The following PLGRKT variants were observed in gnomAD, a reference collection of about 807,000 sequenced individuals.
PLGRKT encodes plasminogen receptor (KT).
A neutral mutation model predicts 18.5 loss-of-function variants in PLGRKT; 22 were observed. The observed-to-expected ratio is 1.19, with a 90% confidence interval of 0.85 to 1.70. The LOEUF (loss-of-function observed/expected upper bound fraction) is 1.70, where lower values mean the gene tolerates loss of function less well. Among genes scored for constraint, PLGRKT ranks in the 40% most tolerant of loss-of-function variants. The pLI, the probability that PLGRKT is intolerant of heterozygous loss-of-function variation, is 0.00. For missense variants in PLGRKT, 235 were observed against 174.4 expected (o/e 1.35, Z -1.96); for synonymous variants, 72 against 52.8 (o/e 1.36, Z -1.58).
Position 5,358,108 on chromosome 9 carries a change from A to C in PLGRKT, c.*131T>G. The stretch of plus-strand genomic sequence containing the variant: ...TATAAATTTTATTTTAAAATAGCTC[A>C]AAACTATCTTGCATTTTAATATTTT... On this transcript the variant is annotated 3_prime_UTR_variant, in exon 6 of 6. Coordinates refer to ENST00000223864, the MANE Select transcript of PLGRKT (RefSeq NM_018465.4). The C allele has an allele frequency of 1.6e-6, 1 of 624,056 alleles. No individual in the cohort carries two copies. Among genetic ancestry groups the C allele is most frequent in the Non-Finnish European group, 2.6e-6 (1 of 385,028 alleles). 38.7% of individuals were successfully genotyped at this position (624,056 alleles called of 1,614,324 possible).
Position 5,371,986 on chromosome 9 carries a change from C to CTTTTTTTTTTTTTTTTTTTTTTTT in PLGRKT, c.82-10099_82-10098insAAAAAAAAAAAAAAAAAAAAAAAA, listed in dbSNP as rs71326158. Among the ~76,000 whole-genome samples, 167 of 89,090 alleles carry CTTTTTTTTTTTTTTTTTTTTTTTT rather than the reference C, an allele frequency of 1.9e-3. 39 individuals are homozygous for CTTTTTTTTTTTTTTTTTTTTTTTT. The highest frequency in any genetic ancestry group is 4.7e-3 in the African/African-American group (92 of 19,524). 58.4% of individuals were successfully genotyped at this position (89,090 alleles called of 152,430 possible). ...CTGCAAAAAACAATATCAGAAAATC[C>CTTTTTTTTTTTTTTTTTTTTTTTT]TTTTTTTTTTTTTGATATGGAGTCT... On this transcript the variant is annotated intron_variant, in intron 3 of 5. Transcript: ENST00000223864.
intron 3 of PLGRKT, among the ~76,000 whole-genome samples, chr9:5,424,568 A>C (rs1369993598): frequency 7.4e-6 from 1 of 134,262 alleles, no homozygotes; most frequent in Non-Finnish European, 1.5e-5. Flanking sequence ...AATACAATAT[A>C]ATATATATTA....
chr9:5,395,918 G>C (rs1818036976), intron 3 of PLGRKT, among the ~76,000 whole-genome samples: 1 of 133,306 alleles, frequency 7.5e-6, no homozygotes, highest in South Asian at 2.4e-4. Flanking sequence ...TCCTGAGACA[G>C]AGTCTCACTC....
intron 3 of PLGRKT, among the ~76,000 whole-genome samples, chr9:5,390,993 A>G (rs1208541454): frequency 6.6e-6 from 1 of 151,928 alleles, no homozygotes; most frequent in Non-Finnish European, 1.5e-5. Flanking sequence ...TTTTTGCACT[A>G]TTCGGTCTCT....
chr9:5,402,958 A>G (rs1818183469), intron 3 of PLGRKT, among the ~76,000 whole-genome samples: 1 of 151,960 alleles, frequency 6.6e-6, no homozygotes, highest in Non-Finnish European at 1.5e-5. Context: ...AGGGGCATTA[A>G]AAACGTAAAA....
chr9:5,433,944 G>A (rs1163831729), intron 2 of PLGRKT, among the ~76,000 whole-genome samples: 11 of 137,960 alleles, frequency 8.0e-5, no homozygotes, highest in Middle Eastern at 4.6e-3. Context: ...ACCTCTGCCC[G>A]GCCGCCCCGT....
intron 3 of PLGRKT, among the ~76,000 whole-genome samples, chr9:5,384,868 C>T (rs537892878): frequency 1.4e-4 from 22 of 152,226 alleles, no homozygotes; most frequent in African/African-American, 5.3e-4. Context: ...TTCTTGTTTC[C>T]TAAGGTCTTT....
intron 3 of PLGRKT, among the ~76,000 whole-genome samples, chr9:5,386,977 A>C (rs2131103181): frequency 6.6e-6 from 1 of 152,030 alleles, no homozygotes; most frequent in African/African-American, 2.4e-5. Context: ...CAAGGGAGAA[A>C]GTGGCAGAAG....
intron 3 of PLGRKT, among the ~76,000 whole-genome samples, chr9:5,419,701 GA>G (rs540033050): frequency 0.029 from 4,401 of 150,166 alleles, 236 homozygotes; most frequent in African/African-American, 0.1. Context: ...AATTTGGGGG[GA>G]AAAAAAAAGA....
At chr9:5,399,762 G>A (rs532781215) in intron 3 of PLGRKT, among the ~76,000 whole-genome samples, 1 of 151,884 alleles carries the variant, frequency 6.6e-6, no homozygotes, top group South Asian at 2.1e-4. Context: ...GCCGAGGTGG[G>A]TGGATTCACT....
In PLGRKT at chr9:5,429,881, C is replaced by T. The variant is rs569010210; in HGVS notation, c.81+2016G>A. Among the ~76,000 whole-genome samples, 9 of 152,294 alleles carry T rather than the reference C, an allele frequency of 5.9e-5. 1 individual carries two copies. The South Asian group carries it at 1.9e-3, about 32-fold the overall frequency. ...AAAATGAACCCATGGAGGCTTGTAACTCCCAGGTCTGACATCTCCATTTTG... is the reference window on the plus strand; with the variant it reads ...AAAATGAACCCATGGAGGCTTGTAATTCCCAGGTCTGACATCTCCATTTTG... On this transcript the variant is annotated intron_variant, in intron 3 of 5. Coordinates refer to ENST00000223864, the MANE Select transcript of PLGRKT (RefSeq NM_018465.4).
intron 3 of PLGRKT, among the ~76,000 whole-genome samples, chr9:5,396,660 G>A (rs758184301): frequency 6.6e-5 from 10 of 151,958 alleles, no homozygotes; most frequent in Non-Finnish European, 8.8e-5. Flanking sequence ...TGCATTTAAT[G>A]ACTCTTTATA....
intron 2 of PLGRKT, among the ~76,000 whole-genome samples, chr9:5,434,183 C>T (rs1818906032): frequency 6.8e-6 from 1 of 147,022 alleles, no homozygotes; most frequent in Non-Finnish European, 1.5e-5. Flanking sequence ...TGCCCGGCCG[C>T]CACCCCGTCT....
chr9:5,418,735 G>C lies in PLGRKT; in HGVS notation c.81+13162C>G. 1.5e-6 allele frequency: 1 copy of C among 679,420 alleles called. No homozygotes were observed. The highest frequency in any genetic ancestry group is 1.6e-5 in the South Asian group (1 of 60,620). 42.1% of individuals were successfully genotyped at this position (679,420 alleles called of 1,614,324 possible). A position where few individuals can be genotyped will look rare whatever the true frequency, so the allele number is the denominator to read the frequency against. Reference sequence around the variant, plus strand: ...GACCGGCATGTGCTCCGAAGCGTGTGGAATGGTGATGACAGCCAGGACCTC... The same window carrying C: ...GACCGGCATGTGCTCCGAAGCGTGTCGAATGGTGATGACAGCCAGGACCTC... On this transcript the variant is annotated intron_variant, in intron 3 of 5. Coordinates refer to ENST00000223864, the MANE Select transcript of PLGRKT (RefSeq NM_018465.4). The surrounding 1 kb of genome is among the most constrained non-coding windows in gnomAD (Gnocchi z 4.2).
intron 3 of PLGRKT, among the ~76,000 whole-genome samples, chr9:5,372,366 G>A (rs74678253): frequency 0.017 from 2,576 of 152,190 alleles, 37 homozygotes; most frequent in Non-Finnish European, 0.023. Flanking sequence ...ATTCTAATAT[G>A]CCTAATCTTC....
rs1212225032 is a variant in PLGRKT at position 5,437,834 on chromosome 9, C to G, written c.-178G>C. 6.6e-6 allele frequency: 1 copy of G among 152,292 alleles called. No individual in the cohort carries two copies. Among genetic ancestry groups the G allele is most frequent in the Admixed American group, 6.5e-5 (1 of 15,286 alleles). The allele number at this position is 152,292 out of a possible 1,614,324, so 9.4% of individuals were successfully genotyped here. A position where few individuals can be genotyped will look rare whatever the true frequency, so the allele number is the denominator to read the frequency against. On this transcript the variant is annotated 5_prime_UTR_variant, in exon 1 of 6. Transcript: ENST00000223864. ...ACCAGGCGACCGGTACGCAAACCTC[C>G]AGGCCCGGGCTCCTTTCGCCCGCTG...
chr9:5,371,951 C>T (rs1381769383), intron 3 of PLGRKT, among the ~76,000 whole-genome samples: 1 of 144,820 alleles, frequency 6.9e-6, no homozygotes, highest in Non-Finnish European at 1.5e-5. Context: ...AATCTTGGAA[C>T]CAAGACGTGC....
chr9:5,375,593 T>G (rs1413433133), intron 3 of PLGRKT, among the ~76,000 whole-genome samples: 1 of 152,174 alleles, frequency 6.6e-6, no homozygotes, highest in Non-Finnish European at 1.5e-5. Context: ...AAGGAAAATA[T>G]GGACATACTT....
rs546237735 is a variant in PLGRKT, at chr9:5,358,463, G to A, written c.323-103C>T. ...CTTGACAGGCTCTAACACCGTATGAGCCATGTCCCCAATCTCACACTTAAA... is the reference window on the plus strand; with the variant it reads ...CTTGACAGGCTCTAACACCGTATGAACCATGTCCCCAATCTCACACTTAAA... On this transcript the variant is annotated intron_variant, in intron 5 of 5. Coordinates refer to ENST00000223864, the MANE Select transcript of PLGRKT (RefSeq NM_018465.4). 4.0e-5 allele frequency: 36 copies of A among 910,618 alleles called. 1 individual carries two copies. The highest frequency in any genetic ancestry group is 2.3e-4 in the Middle Eastern group (1 of 4,416). The allele number at this position is 910,618 out of a possible 1,614,324, so 56.4% of individuals were successfully genotyped here. A position where few individuals can be genotyped will look rare whatever the true frequency, so the allele number is the denominator to read the frequency against.
Sources: allele counts gnomAD v4.1 joint callset (sites outside exome capture counted in the v4.1 genomes callset), GRCh38; gene constraint gnomAD v4.1.1; non-coding constraint Gnocchi (gnomAD v3.1); transcripts MANE v1.5; gene names NCBI Gene and HGNC (gene_info 2026-07-23, HGNC 2026-07-21).